The following BCOR variants were observed in gnomAD, a reference collection of about 807,000 sequenced individuals.
The protein encoded by BCOR is BCL-6 corepressor.
A neutral mutation model predicts 86.7 loss-of-function variants in BCOR; 10 were observed. That is an observed-to-expected ratio of 0.12 (90% CI 0.07 to 0.20). BCOR has a LOEUF of 0.20. Ranked by LOEUF, BCOR falls within the 10% of genes least tolerant of loss-of-function variation. The pLI is 1.00. For synonymous variants in BCOR, 611 were observed against 609.0 expected, an observed-to-expected ratio of 1.00 and a Z score of -0.05; for missense variants, 1,259 against 1,452.1, an observed-to-expected ratio of 0.87 and a Z score of 2.16.
chrX:40,074,145 C>T lies in BCOR; in HGVS notation c.1201G>A (p.Glu401Lys), dbSNP rs2147249347. The change falls in exon 4 of 15, where the codon GAA becomes AAA. Residue 401 changes from glutamate (E) to lysine (K), a missense_variant. Transcript: ENST00000378444. The stretch of plus-strand genomic sequence containing the variant: ...TGCCCGGGCACTGGCTGGGCACCTT[C>T]GCCCCCTTCCGGAGCCTTGGGATAC... ...GKYPKAPEGG[E>K]GAQPVPGHAR... The T allele has an allele frequency of 8.2e-7, 1 of 1,212,128 alleles. No homozygotes were observed. Among genetic ancestry groups the T allele is most frequent in the East Asian group, 3.0e-5 (1 of 33,852 alleles).
chrX:40,118,457 G>A (rs1937431869), intron 1 of BCOR, among the ~76,000 whole-genome samples: 1 of 108,918 alleles, frequency 9.2e-6, no homozygotes, highest in Non-Finnish European at 1.9e-5. Flanking sequence ...AGTAGAGATG[G>A]GGTTTTGCCA....
At chrX:40,170,705 A>C (rs991966255) in intron 1 of BCOR, among the ~76,000 whole-genome samples, 1 of 111,962 alleles carries the variant, frequency 8.9e-6, no homozygotes, top group Non-Finnish European at 1.9e-5. Context: ...ATTAACCTCC[A>C]GTTTTTGACA....
At chrX:40,151,401 G>A (rs189170350) in intron 1 of BCOR, among the ~76,000 whole-genome samples, 1 of 112,944 alleles carries the variant, frequency 8.9e-6, no homozygotes, top group African/African-American at 3.2e-5. Context: ...CCTCCCTCCG[G>A]GACTGTCACT....
chrX:40,168,951 A>G (rs1938563179), intron 1 of BCOR, among the ~76,000 whole-genome samples: 1 of 112,347 alleles, frequency 8.9e-6, no homozygotes, highest in South Asian at 3.6e-4. Context: ...CGCAGGGCGA[A>G]GCTGCGCGCA....
intron 1 of BCOR, among the ~76,000 whole-genome samples, chrX:40,094,092 G>C (rs1022971535): frequency 1.8e-5 from 2 of 111,387 alleles, no homozygotes; most frequent in South Asian, 7.7e-4. Context: ...ATTTCCACTA[G>C]GCTCTTTGCC....
At position 40,052,390 on chromosome X, in the gene BCOR, A is replaced by C. The variant is rs1382066198; in HGVS notation, c.4987T>G (p.Trp1663Gly). 8.3e-7 allele frequency: 1 copy of C among 1,207,615 alleles called. No individual in the cohort carries two copies. Among genetic ancestry groups the C allele is most frequent in the Non-Finnish European group, 1.1e-6 (1 of 893,547 alleles). Reference sequence around the variant, plus strand: ...TTAAGGACATCCGAAAGCAGTAGCCAGTTTCGTGGCCTACAAAACAGAAAG... The same window carrying C: ...TTAAGGACATCCGAAAGCAGTAGCCCGTTTCGTGGCCTACAAAACAGAAAG... ...QVSVAQGPRN[W>G]LLLSDVLKKL... is the part of the protein sequence containing the mutation. The change falls in exon 15 of 15, where the codon TGG becomes GGG. Residue 1663 changes from tryptophan to glycine, a missense_variant. Physicochemically the swap from Trp to Gly is radical, Grantham distance 184. This residue lies in a region of BCOR where 137 missense variants were observed against 149.8 expected (regional missense o/e 0.91). Transcript: ENST00000378444.
intron 1 of BCOR, among the ~76,000 whole-genome samples, chrX:40,092,970 T>C (rs1381936931): frequency 1.8e-5 from 2 of 112,596 alleles, no homozygotes; most frequent in Non-Finnish European, 3.8e-5. Flanking sequence ...TCAGCCTGTG[T>C]ATCTAAGCAT....
At chrX:40,167,358 G>A (rs1453447915) in intron 1 of BCOR, among the ~76,000 whole-genome samples, 1 of 112,043 alleles carries the variant, frequency 8.9e-6, no homozygotes, top group East Asian at 2.8e-4. Context: ...GGCTGCCCTG[G>A]AACGTCATCG....
chrX:40,088,844 C>T lies in BCOR; in HGVS notation c.-41+8371G>A, dbSNP rs1364460641. ...AACCAGGTCTTGCCCCTCTAGGCAC[C>T]GTGGTTCCCCCCTGAAATAATGCCA... On this transcript the variant is annotated intron_variant, in intron 1 of 14. Transcript: ENST00000378444. Among the ~76,000 whole-genome samples, 4 of 112,055 alleles carry T rather than the reference C, an allele frequency of 3.6e-5. No homozygotes were observed. The East Asian group carries it at 1.1e-3, about 31-fold the overall frequency.
At chrX:40,170,413 C>A (rs1379281187) in intron 1 of BCOR, among the ~76,000 whole-genome samples, 3 of 108,832 alleles carry the variant, frequency 2.8e-5, no homozygotes, top group Non-Finnish European at 5.7e-5. Context: ...TGAAGTGGCA[C>A]GATCTCGGCT....
intron 1 of BCOR, among the ~76,000 whole-genome samples, chrX:40,174,552 AAG>A (rs1938700240): frequency 8.8e-6 from 1 of 113,056 alleles, no homozygotes; most frequent in Non-Finnish European, 1.9e-5. Context: ...AGAAAAAGCC[AAG>A]AGAAAAACGT....
At position 40,150,100 on chromosome X, in the gene BCOR, G is replaced by A. The variant is rs1458510994; in HGVS notation, c.-41+26907C>T. Among the ~76,000 whole-genome samples the A allele has an allele frequency of 1.6e-4, 18 of 112,647 alleles. No homozygotes were observed. The Admixed American group carries it at 1.7e-3, about 11-fold the overall frequency. ...CCAGGATGCATAATTATCTTTTCAG[G>A]CCTGAAGAGGAACATGTATTACTCT... On this transcript the variant is annotated intron_variant, in intron 1 of 14. Transcript: ENST00000342274.
intron 1 of BCOR, among the ~76,000 whole-genome samples, chrX:40,140,112 TTA>T (rs760761124): frequency 9.1e-6 from 1 of 109,556 alleles, no homozygotes; most frequent in South Asian, 4.0e-4. Context: ...TTTCCCAGCT[TTA>T]TGTGTAAAGT....
chrX:40,157,285 C>T (rs1938317230), intron 1 of BCOR, among the ~76,000 whole-genome samples: 1 of 111,750 alleles, frequency 8.9e-6, no homozygotes, highest in South Asian at 3.7e-4. Flanking sequence ...ACTCCAGGCC[C>T]GCTGTGGGGA....
intron 1 of BCOR, among the ~76,000 whole-genome samples, chrX:40,129,077 G>A (rs746919922): frequency 7.5e-4 from 84 of 111,835 alleles, no homozygotes; most frequent in African/African-American, 2.7e-3. Flanking sequence ...CTCTCCTGAG[G>A]TCGCAGAGCT....
intron 1 of BCOR, among the ~76,000 whole-genome samples, chrX:40,162,634 G>A (rs1000236330): frequency 1.8e-5 from 2 of 111,764 alleles, no homozygotes; most frequent in African/African-American, 6.5e-5. Flanking sequence ...CAGGAGGGGA[G>A]AGGAAAGCAG....
intron 2 of BCOR, chrX:40,077,431 A>G: frequency 5.6e-6 from 1 of 178,128 alleles, no homozygotes; most frequent in Non-Finnish European, 1.1e-5. Flanking sequence ...AGCAGAGGAC[A>G]ATGAGAGATC....
At chrX:40,089,106 C>A (rs2047605066) in intron 1 of BCOR, among the ~76,000 whole-genome samples, 1 of 111,706 alleles carries the variant, frequency 9.0e-6, no homozygotes, top group African/African-American at 3.3e-5. Context: ...CCTAGCAAGT[C>A]TCAGGGGGTC....
intron 1 of BCOR, among the ~76,000 whole-genome samples, chrX:40,088,365 T>C (rs1009227344): frequency 3.6e-5 from 4 of 112,511 alleles, no homozygotes; most frequent in Non-Finnish European, 7.5e-5. Context: ...CACAAAACAA[T>C]GTCAGCAAAG....
Sources: allele counts gnomAD v4.1 joint callset (sites outside exome capture counted in the v4.1 genomes callset), GRCh38; gene constraint gnomAD v4.1.1; regional missense constraint gnomAD v4.1.1; transcripts MANE v1.5; gene names NCBI Gene and HGNC (gene_info 2026-07-23, HGNC 2026-07-21).